AGPAT3: variants seen among roughly 807,000 people sequenced by gnomAD.
The protein encoded by AGPAT3 is 1-acyl-sn-glycerol-3-phosphate acyltransferase gamma.
In AGPAT3, 5 loss-of-function variants were observed where a neutral mutation model predicts 47.3. The ratio of observed to expected loss-of-function variants is 0.11; its 90% CI spans 0.06 to 0.22. The LOEUF is 0.22. Ranked by LOEUF, AGPAT3 falls within the 10% of genes least tolerant of loss-of-function variation. The pLI, the probability that AGPAT3 is intolerant of heterozygous loss-of-function variation, is 1.00. For synonymous variants in AGPAT3, 212 were observed against 208.3 expected, an observed-to-expected ratio of 1.02 and a Z score of -0.15; for missense variants, 315 against 493.0, an observed-to-expected ratio of 0.64 and a Z score of 3.42.
intron 1 of AGPAT3, among the ~76,000 whole-genome samples, chr21:43,892,378 G>A (rs1167360443): frequency 6.6e-6 from 1 of 152,084 alleles, no homozygotes; most frequent in Admixed American, 6.6e-5. Flanking sequence ...CGTGTTACCA[G>A]GTATGAAAGC....
intron 2 of AGPAT3, among the ~76,000 whole-genome samples, chr21:43,940,536 C>T (rs544387114): frequency 6.6e-6 from 1 of 152,358 alleles, no homozygotes; most frequent in African/African-American, 2.4e-5. Context: ...CTCTCCCATC[C>T]TTCTGCAAAG....
intron 2 of AGPAT3, among the ~76,000 whole-genome samples, chr21:43,958,628 G>A (rs1293414461): frequency 6.0e-5 from 9 of 148,874 alleles, no homozygotes; most frequent in Non-Finnish European, 8.9e-5. Flanking sequence ...TGTATGTGGC[G>A]TGTATGTGGT....
intron 2 of AGPAT3, among the ~76,000 whole-genome samples, chr21:43,912,187 T>C (rs762956556): frequency 4.6e-5 from 7 of 152,254 alleles, no homozygotes; most frequent in Non-Finnish European, 1.0e-4. Flanking sequence ...GGGCCCGAGC[T>C]GGATGGGACC....
intron 7 of AGPAT3, among the ~76,000 whole-genome samples, chr21:43,977,024 T>C (rs1026237773): frequency 6.6e-6 from 1 of 152,232 alleles, no homozygotes; most frequent in Non-Finnish European, 1.5e-5. Context: ...AAATTCCAAC[T>C]GACTTTTAAA....
rs1234484316 is a variant in AGPAT3, at chr21:43,981,240, G to C, written c.1042+53G>C. Reference sequence around the variant, plus strand: ...CACTCTGACGGGCCTCACAGTATCAGCCACAGGGTCCGGGACCTGGTGACT... The same window carrying C: ...CACTCTGACGGGCCTCACAGTATCACCCACAGGGTCCGGGACCTGGTGACT... On this transcript the variant is annotated intron_variant, in intron 9 of 9. Coordinates refer to ENST00000291572, the MANE Select transcript of AGPAT3 (RefSeq NM_020132.5). The surrounding 1 kb of genome is among the most constrained non-coding windows in gnomAD (Gnocchi z 5.3). The C allele has an allele frequency of 5.0e-6, 8 of 1,590,102 alleles. No homozygotes were observed. Among genetic ancestry groups the C allele is most frequent in the African/African-American group, 1.3e-5 (1 of 74,432 alleles).
At chr21:43,903,560 C>T (rs1419764828) in intron 1 of AGPAT3, among the ~76,000 whole-genome samples, 27 of 152,148 alleles carry the variant, frequency 1.8e-4, no homozygotes, top group Admixed American at 1.3e-3. Flanking sequence ...GCAGCGGGAG[C>T]GCATGTAAGG....
At chr21:43,866,087 T>G (rs947908646) in intron 1 of AGPAT3, among the ~76,000 whole-genome samples, 7 of 150,734 alleles carry the variant, frequency 4.6e-5, no homozygotes, top group African/African-American at 1.7e-4. Flanking sequence ...AGGAGGGTTA[T>G]TAGTATTTGA....
intron 7 of AGPAT3, among the ~76,000 whole-genome samples, chr21:43,972,610 T>G (rs1390369826): frequency 6.6e-6 from 1 of 152,192 alleles, no homozygotes; most frequent in Non-Finnish European, 1.5e-5. Context: ...AGTGTGTCTC[T>G]TTCCCCACAC....
In AGPAT3 at chr21:43,959,771, C is replaced by T. The variant is rs1408673418; in HGVS notation, c.90C>T (p.Phe30=). 20 of 1,613,788 alleles carry T rather than the reference C, an allele frequency of 1.2e-5. No homozygotes were observed. The highest frequency in any genetic ancestry group is 3.3e-5 in the Admixed American group (2 of 60,012). ...TGGTGAGTGGTCTGGTCATCAACTT[C>T]GTCCAGCTGTGCACGCTGGCGCTCT... is the stretch of plus-strand genomic sequence containing the variant. The part of the protein sequence containing the change: ...VFVVSGLVIN[F]VQLCTLALWP... Residue 30 remains phenylalanine (F), a synonymous_variant, in exon 3 of 10, where the codon TTC becomes TTT. Coordinates refer to ENST00000291572, the MANE Select transcript of AGPAT3 (RefSeq NM_020132.5).
rs559453914 is a variant in AGPAT3, at chr21:43,920,929, C to T, written c.-49+16910C>T. ...TCACGAGGTCAGGAGATCAAGACCA[C>T]GGTGAAACCCCATATCTACTAAAAA... On this transcript the variant is annotated intron_variant, in intron 2 of 9. Transcript: ENST00000291572. The surrounding 1 kb of genome is among the most constrained non-coding windows in gnomAD (Gnocchi z 6.1). Among the ~76,000 whole-genome samples the T allele has an allele frequency of 5.3e-5, 8 of 152,234 alleles. 1 individual carries two copies. In the South Asian group the frequency reaches 6.2e-4, roughly 12 times the overall value.
At chr21:43,925,578 C>T (rs1185000627) in intron 2 of AGPAT3, 1 of 152,440 alleles carries the variant, frequency 6.6e-6, no homozygotes, top group African/African-American at 2.4e-5. Context: ...TGGTCTCAGA[C>T]CCCATGCTGT....
In AGPAT3 at chr21:43,986,113, A is replaced by T. The variant is rs762233807; in HGVS notation, c.*3721A>T. ...GACATCCGGCTCCGTATTCCTGCCTATCGGGGCCAGGATGCAAAAACAATT... is the reference window on the plus strand; with the variant it reads ...GACATCCGGCTCCGTATTCCTGCCTTTCGGGGCCAGGATGCAAAAACAATT... On this transcript the variant is annotated 3_prime_UTR_variant, in exon 10 of 10. Coordinates refer to ENST00000291572, the MANE Select transcript of AGPAT3 (RefSeq NM_020132.5). The T allele has an allele frequency of 6.6e-6, 1 of 152,244 alleles. No individual in the cohort carries two copies. The highest frequency in any genetic ancestry group is 2.4e-5 in the African/African-American group (1 of 41,458). The allele number at this position is 152,244 out of a possible 1,614,324, so 9.4% of individuals were successfully genotyped here.
At position 43,987,539 on chromosome 21, in the gene AGPAT3, C is replaced by T. The variant is rs1404877777; in HGVS notation, c.*5147C>T. The stretch of plus-strand genomic sequence containing the variant: ...TTCATCTGTGGAGAAAACCAAGGAA[C>T]CCCTTTCTCTTCTTTATTAAAAAGC... On this transcript the variant is annotated 3_prime_UTR_variant, in exon 10 of 10. Coordinates refer to ENST00000291572, the MANE Select transcript of AGPAT3 (RefSeq NM_020132.5). Among the ~76,000 whole-genome samples, 1 of 152,196 alleles carries T rather than the reference C, an allele frequency of 6.6e-6. No homozygotes were observed. The highest frequency in any genetic ancestry group is 1.5e-5 in the Non-Finnish European group (1 of 68,038).
intron 2 of AGPAT3, 92 bp from the exon 3 acceptor site, chr21:43,959,542 A>T (rs2088721481): frequency 1.7e-6 from 2 of 1,153,242 alleles, no homozygotes; most frequent in Admixed American, 3.7e-5. Flanking sequence ...AGCGTGAGGC[A>T]TGTGCGGGGT....
chr21:43,939,285 C>G lies in AGPAT3; in HGVS notation c.-48-20349C>G, dbSNP rs536292949. On this transcript the variant is annotated intron_variant, in intron 2 of 9. Coordinates refer to ENST00000291572, the MANE Select transcript of AGPAT3 (RefSeq NM_020132.5). The surrounding 1 kb of genome is among the most constrained non-coding windows in gnomAD (Gnocchi z 4.4). ...CCCGTGTGCTGTCGAGGGCCTCTAG[C>G]GGGCGCTCCCTTGATAACACCCCAC... Among the ~76,000 whole-genome samples the G allele has an allele frequency of 6.6e-6, 1 of 152,118 alleles. No individual in the cohort carries two copies. Among genetic ancestry groups the G allele is most frequent in the East Asian group, 1.9e-4 (1 of 5,176 alleles).
At chr21:43,940,675 C>T (rs1270215348) in intron 2 of AGPAT3, among the ~76,000 whole-genome samples, 1 of 152,236 alleles carries the variant, frequency 6.6e-6, no homozygotes, top group Admixed American at 6.5e-5. Context: ...CCACTGCCCC[C>T]CAAGGCAGGT....
chr21:43,949,497 G>A (rs189115043), intron 2 of AGPAT3, among the ~76,000 whole-genome samples: 83 of 152,310 alleles, frequency 5.4e-4, no homozygotes, highest in African/African-American at 1.9e-3. Flanking sequence ...GAGTGGCAAC[G>A]CTCTAAAGAC....
chr21:43,870,318 A>T (rs1010432359), intron 1 of AGPAT3, among the ~76,000 whole-genome samples: 3 of 152,154 alleles, frequency 2.0e-5, no homozygotes, highest in East Asian at 1.9e-4. Context: ...TGGTTAGAAA[A>T]TATGTTTGTC....
intron 2 of AGPAT3, among the ~76,000 whole-genome samples, chr21:43,943,777 G>A (rs542737436): frequency 1.3e-5 from 2 of 152,234 alleles, no homozygotes; most frequent in Non-Finnish European, 2.9e-5. Context: ...TAGGGTGGGC[G>A]ATGGCAGTAG....
Sources: gnomAD v4.1 joint callset for allele counts (sites outside exome capture counted in the v4.1 genomes callset) on GRCh38, gnomAD v4.1.1 for gene constraint, Gnocchi (gnomAD v3.1) non-coding constraint, MANE v1.5 for transcripts, NCBI Gene and HGNC (gene_info 2026-07-23, HGNC 2026-07-21) for gene names.